EGFR: variants seen among roughly 807,000 people sequenced by gnomAD.
The protein encoded by EGFR is avian erythroblastic leukemia viral (v-erb-b) oncogene homolog.
A neutral mutation model predicts 143.0 loss-of-function variants in EGFR; 58 were observed. That is an observed-to-expected ratio of 0.41 (90% CI 0.33 to 0.50). The LOEUF (loss-of-function observed/expected upper bound fraction) is 0.50, where lower values mean the gene tolerates loss of function less well. EGFR is among the 20% of genes least tolerant of loss of function. The pLI, the probability that EGFR is intolerant of heterozygous loss-of-function variation, is 0.39. For missense variants in EGFR, 1,307 were observed against 1,579.0 expected (o/e 0.83, Z 2.92); for synonymous variants, 613 against 594.4 (o/e 1.03, Z -0.45).
chr7:55,126,069 A>T (rs1793506711), intron 1 of EGFR, among the ~76,000 whole-genome samples: 1 of 151,666 alleles, frequency 6.6e-6, no homozygotes, highest in African/African-American at 2.4e-5. Flanking sequence ...TCTTCCCCAC[A>T]TGTGGCGGGG....
intron 1 of EGFR, among the ~76,000 whole-genome samples, chr7:55,051,900 T>C (rs1788512628): frequency 6.6e-6 from 1 of 152,196 alleles, no homozygotes; most frequent in Non-Finnish European, 1.5e-5. Context: ...AAATCTTTAG[T>C]TGTAGGTTCC....
At chr7:55,195,059 C>T (rs550656780) in intron 22 of EGFR, among the ~76,000 whole-genome samples, 9 of 152,336 alleles carry the variant, frequency 5.9e-5, no homozygotes, top group African/African-American at 1.9e-4. Flanking sequence ...TCCTCTCTCT[C>T]GCTGTTTGTT....
At chr7:55,101,083 C>G (rs1362352627) in intron 1 of EGFR, among the ~76,000 whole-genome samples, 1 of 152,214 alleles carries the variant, frequency 6.6e-6, no homozygotes, top group African/African-American at 2.4e-5. Context: ...CCGAGCAACC[C>G]TCTGACAACT....
At chr7:55,169,702 G>A in intron 15 of EGFR, among the ~76,000 whole-genome samples, 1 of 152,130 alleles carries the variant, frequency 6.6e-6, no homozygotes, top group East Asian at 1.9e-4. Flanking sequence ...GTCAGCAGGA[G>A]CCCCTCGCCT....
At chr7:55,092,988 G>GTTCAT (rs1190729725) in intron 1 of EGFR, among the ~76,000 whole-genome samples, 1 of 152,236 alleles carries the variant, frequency 6.6e-6, no homozygotes, top group East Asian at 1.9e-4. Flanking sequence ...CATGGACAGA[G>GTTCAT]TTCATGTAAT....
intron 2 of EGFR, 102 bp downstream of exon 2, chr7:55,142,539 G>T (rs1794518608): frequency 2.1e-6 from 3 of 1,446,212 alleles, no homozygotes; most frequent in East Asian, 2.3e-5. Context: ...TTTTGCTATG[G>T]CAATGACAAG....
At chr7:55,137,067 G>A (rs1161741062) in intron 1 of EGFR, among the ~76,000 whole-genome samples, 1 of 152,192 alleles carries the variant, frequency 6.6e-6, no homozygotes, top group Non-Finnish European at 1.5e-5. Context: ...AGTGATCACT[G>A]CCAGGGAGCA....
chr7:55,093,453 G>A (rs1791250953), intron 1 of EGFR, among the ~76,000 whole-genome samples: 2 of 152,184 alleles, frequency 1.3e-5, no homozygotes. Flanking sequence ...GAATGGCATG[G>A]TGACTGTGTG....
chr7:55,146,495 T>G, intron 3 of EGFR, 111 bp from the exon 4 acceptor site: 1 of 1,545,344 alleles, frequency 6.5e-7, no homozygotes, highest in Admixed American at 1.8e-5. Flanking sequence ...GGACTCTTGT[T>G]CGCACCATGG....
rs2128941345 is a variant in EGFR at position 55,160,167 on chromosome 7, C to T, written c.1327C>T (p.Leu443=). 2 of 1,614,174 alleles carry T rather than the reference C, an allele frequency of 1.2e-6. No homozygotes were observed. Among genetic ancestry groups the T allele is most frequent in the Non-Finnish European group, 1.7e-6 (2 of 1,180,032 alleles). ...TCAGTTTTCTCTTGCAGTCGTCAGC[C>T]TGAACATAACATCCTTGGGATTACG... ...HGQFSLAVVS[L]NITSLGLRSL... Residue 443 remains leucine, a synonymous_variant, in exon 12 of 28, where the codon CTG becomes TTG. Coordinates refer to ENST00000275493, the MANE Select transcript of EGFR (RefSeq NM_005228.5).
rs148682748 is a variant in EGFR at position 55,042,995 on chromosome 7, A to G, written c.88+23630A>G. On this transcript the variant is annotated intron_variant, in intron 1 of 27. Transcript: ENST00000275493. ...TTGAAGTTATAAAGCACAGCCCTCT[A>G]TAAGTATATATATTCCACCTCTTTC... 1.7e-4 allele frequency among the ~76,000 whole-genome samples: 26 copies of G among 152,242 alleles called. No homozygotes were observed. The East Asian group carries it at 3.5e-3, about 20-fold the overall frequency.
At chr7:55,029,674 G>A (rs536493155) in intron 1 of EGFR, among the ~76,000 whole-genome samples, 2 of 152,250 alleles carry the variant, frequency 1.3e-5, no homozygotes, top group East Asian at 3.9e-4. Flanking sequence ...CTGAAAAGTG[G>A]TGTTGTTAAG....
chr7:55,100,449 G>A (rs764504172), intron 1 of EGFR, among the ~76,000 whole-genome samples: 1 of 152,218 alleles, frequency 6.6e-6, no homozygotes, highest in Non-Finnish European at 1.5e-5. Context: ...CAGGATTTGG[G>A]TGCAGCCTCT....
intron 22 of EGFR, among the ~76,000 whole-genome samples, chr7:55,193,963 G>T (rs905740167): frequency 1.3e-5 from 2 of 152,180 alleles, no homozygotes; most frequent in African/African-American, 4.8e-5. Context: ...GAAGTTTGGT[G>T]TGCACCTGTG....
chr7:55,157,636 G>A (rs1386176245), intron 10 of EGFR, 27 bp from the exon 11 acceptor site: 2 of 1,603,660 alleles, frequency 1.2e-6, no homozygotes, highest in South Asian at 1.1e-5. Context: ...CGTGGTGTGT[G>A]TCTGAAGTCT....
intron 1 of EGFR, among the ~76,000 whole-genome samples, chr7:55,135,043 CCA>C (rs1314453920): frequency 7.9e-5 from 12 of 152,188 alleles, no homozygotes; most frequent in African/African-American, 1.2e-4. Flanking sequence ...GAAGCATATT[CCA>C]CAGTCCCTTG....
intron 1 of EGFR, among the ~76,000 whole-genome samples, chr7:55,080,773 A>G (rs147081308): frequency 3.9e-5 from 6 of 152,256 alleles, no homozygotes; most frequent in Non-Finnish European, 8.8e-5. Flanking sequence ...ATGGATACAT[A>G]TATCAAAACA....
Position 55,200,902 on chromosome 7 carries a change from C to T in EGFR, c.2947-286C>T, listed in dbSNP as rs117514136. 531 of 537,524 alleles carry T rather than the reference C, an allele frequency of 9.9e-4. 4 individuals are homozygous for T. The highest frequency in any genetic ancestry group is 7.7e-3 in the African/African-American group (409 of 53,034). The allele number at this position is 537,524 out of a possible 1,614,324, so 33.3% of individuals were successfully genotyped here. A position where few individuals can be genotyped will look rare whatever the true frequency, so the allele number is the denominator to read the frequency against. On this transcript the variant is annotated intron_variant, in intron 24 of 27. Coordinates refer to ENST00000275493, the MANE Select transcript of EGFR (RefSeq NM_005228.5). ...CCCTAACACCTCACAGCAAGGTGCACACTCGATGAATGCTGCAGCTTCTTC... is the reference window on the plus strand; with the variant it reads ...CCCTAACACCTCACAGCAAGGTGCATACTCGATGAATGCTGCAGCTTCTTC...
rs887116349 is a variant in EGFR, at chr7:55,128,497, TAA to T, written c.89-13788_89-13787del. The stretch of plus-strand genomic sequence containing the variant: ...CATTTTCAAAAAGCAAAAGAAAACC[TAA>T]GAGAAAAGTTGAAAGTAGGAATTTT... On this transcript the variant is annotated intron_variant, in intron 1 of 27. Coordinates refer to ENST00000275493, the MANE Select transcript of EGFR (RefSeq NM_005228.5). Among the ~76,000 whole-genome samples, 33 of 152,202 alleles carry T rather than the reference TAA, an allele frequency of 2.2e-4. 1 individual carries two copies. The highest frequency in any genetic ancestry group is 5.8e-4 in the African/African-American group (24 of 41,560).
Sources: allele counts gnomAD v4.1 joint callset (sites outside exome capture counted in the v4.1 genomes callset), GRCh38; gene constraint gnomAD v4.1.1; transcripts MANE v1.5; gene names NCBI Gene and HGNC (gene_info 2026-07-23, HGNC 2026-07-21).